PCDH11X: variants seen among roughly 807,000 people sequenced by gnomAD.
PCDH11X encodes the protein protocadherin-11 X-linked.
A neutral mutation model predicts 53.3 loss-of-function variants in PCDH11X; 18 were observed. The observed-to-expected ratio is 0.34, with a 90% CI of 0.23 to 0.50. The LOEUF (loss-of-function observed/expected upper bound fraction) is 0.50. Ranked by LOEUF, PCDH11X falls within the 20% of genes least tolerant of loss-of-function variation. The pLI is 0.98. For synonymous variants in PCDH11X, 279 were observed against 393.3 expected (o/e 0.71, Z 3.44); for missense variants, 570 against 1,032.4 (o/e 0.55, Z 6.14).
chrX:92,161,308 G>A (rs2065638399), intron 6 of PCDH11X, among the ~76,000 whole-genome samples: 1 of 111,623 alleles, frequency 9.0e-6, no homozygotes, highest in South Asian at 3.7e-4. Context: ...ACTTTTGGCT[G>A]ATAATTATTT....
chrX:92,560,766 A>G (rs1470543695), intron 10 of PCDH11X, among the ~76,000 whole-genome samples: 1 of 104,480 alleles, frequency 9.6e-6, no homozygotes, highest in Non-Finnish European at 2.0e-5. Flanking sequence ...CTTAGCCACA[A>G]TGGAAGAGAA....
At chrX:92,435,787 A>G (rs2072356135) in intron 9 of PCDH11X, among the ~76,000 whole-genome samples, 1 of 111,515 alleles carries the variant, frequency 9.0e-6, no homozygotes, top group Non-Finnish European at 1.9e-5. Context: ...ATCTTGAAGG[A>G]GCACTAAATA....
At chrX:92,573,917 G>A (rs1922504070) in intron 10 of PCDH11X, among the ~76,000 whole-genome samples, 1 of 110,796 alleles carries the variant, frequency 9.0e-6, no homozygotes, top group African/African-American at 3.3e-5. Flanking sequence ...TGCAAAATAA[G>A]GTAGTTTTTA....
At chrX:92,569,670 A>G (rs1424172813) in intron 10 of PCDH11X, 1 of 199,720 alleles carries the variant, frequency 5.0e-6, no homozygotes, top group Non-Finnish European at 9.4e-6. Context: ...GGTATATTCC[A>G]CTGTATGCCT....
At chrX:92,260,886 G>A (rs1386534941) in intron 7 of PCDH11X, among the ~76,000 whole-genome samples, 1 of 111,510 alleles carries the variant, frequency 9.0e-6, no homozygotes, top group Non-Finnish European at 1.9e-5. Flanking sequence ...CAAAAACTGA[G>A]CCAATAGACA....
At chrX:92,351,424 G>A (rs188887459) in intron 8 of PCDH11X, among the ~76,000 whole-genome samples, 1,163 of 111,213 alleles carry the variant, frequency 0.01, 24 homozygotes, top group African/African-American at 0.037. Context: ...AACCTATGGG[G>A]TACATATAGT....
rs768282345 is a variant in PCDH11X at position 92,115,096 on chromosome X, A to G, written c.3034-86279A>G. ...AGTGTTGGGATTACAGGCATGAGAC[A>G]CTGTGCCCAGTCCCTTTCCATTTTT... On this transcript the variant is annotated intron_variant, in intron 6 of 10. Coordinates refer to ENST00000682573, the MANE Select transcript of PCDH11X (RefSeq NM_032968.5). 9.1e-5 allele frequency among the ~76,000 whole-genome samples: 10 copies of G among 110,313 alleles called. No homozygotes were observed. The South Asian group carries it at 3.9e-3, about 43-fold the overall frequency.
chrX:91,804,869 GTTC>G (rs1195166620), intron 1 of PCDH11X, among the ~76,000 whole-genome samples: 2 of 107,080 alleles, frequency 1.9e-5, no homozygotes, highest in African/African-American at 3.4e-5. Flanking sequence ...CAAGAATAGT[GTTC>G]TTCTTTCATT....
At chrX:92,319,989 A>G (rs1207327533) in intron 8 of PCDH11X, among the ~76,000 whole-genome samples, 1 of 111,000 alleles carries the variant, frequency 9.0e-6, no homozygotes, top group Non-Finnish European at 1.9e-5. Flanking sequence ...TATAATTCTA[A>G]TCAATGTTCA....
At chrX:92,593,831 A>T (rs1247688834) in intron 10 of PCDH11X, among the ~76,000 whole-genome samples, 1 of 104,890 alleles carries the variant, frequency 9.5e-6, no homozygotes, top group Admixed American at 1.1e-4. Context: ...AGAAAATTGT[A>T]AAGAGTTATA....
At chrX:92,261,137 C>T (rs1372748995) in intron 7 of PCDH11X, among the ~76,000 whole-genome samples, 1 of 110,113 alleles carries the variant, frequency 9.1e-6, no homozygotes, top group Non-Finnish European at 1.9e-5. Flanking sequence ...GCCTGCTTGC[C>T]AATATATTTC....
intron 6 of PCDH11X, among the ~76,000 whole-genome samples, chrX:92,185,426 A>T (rs760418412): frequency 8.9e-4 from 99 of 111,458 alleles, no homozygotes; most frequent in African/African-American, 3.2e-3. Context: ...GACATAAGGG[A>T]AATGCTTCAG....
intron 7 of PCDH11X, among the ~76,000 whole-genome samples, chrX:92,227,705 A>G (rs1603212587): frequency 9.0e-6 from 1 of 111,195 alleles, no homozygotes; most frequent in Non-Finnish European, 1.9e-5. Flanking sequence ...GAGTAAAACC[A>G]TTAGAGTTTC....
At chrX:91,929,843 G>C (rs1298961141) in intron 6 of PCDH11X, among the ~76,000 whole-genome samples, 15 of 110,671 alleles carry the variant, frequency 1.4e-4, no homozygotes, top group Non-Finnish European at 2.5e-4. Context: ...AGAACTACTT[G>C]ACTTCTATCA....
intron 4 of PCDH11X, among the ~76,000 whole-genome samples, chrX:91,813,735 A>C (rs1320456656): frequency 9.4e-6 from 1 of 106,096 alleles, no homozygotes; most frequent in Non-Finnish European, 1.9e-5. Context: ...ACACCATAAA[A>C]ACGTGGAAGT....
At chrX:92,401,821 A>G (rs1434267264) in intron 9 of PCDH11X, among the ~76,000 whole-genome samples, 2 of 112,266 alleles carry the variant, frequency 1.8e-5, no homozygotes, top group East Asian at 5.6e-4. Context: ...AAAAATTACT[A>G]TGGATCAAAT....
rs1187582003 is a variant in PCDH11X at position 92,606,414 on chromosome X, G to T, written c.3368-11850G>T. On this transcript the variant is annotated intron_variant, in intron 10 of 10. Coordinates refer to ENST00000682573, the MANE Select transcript of PCDH11X (RefSeq NM_032968.5). ...GACAATTGATTTTCAGCCAATTAAA[G>T]TCAATAAATAATAAATAGTCTTTCC... Among the ~76,000 whole-genome samples the T allele has an allele frequency of 2.8e-5, 3 of 108,188 alleles. No homozygotes were observed. In the Admixed American group the frequency reaches 3.0e-4, roughly 11 times the overall value. The allele number at this position is 108,188 out of a possible 115,157, so 93.9% of individuals were successfully genotyped here.
intron 6 of PCDH11X, among the ~76,000 whole-genome samples, chrX:91,886,915 G>A (rs1199649304): frequency 2.0e-5 from 2 of 100,957 alleles, no homozygotes; most frequent in African/African-American, 7.4e-5. Context: ...AGCTTGCAGT[G>A]AGCCAAGATG....
chrX:92,514,043 A>C (rs1443735674), intron 10 of PCDH11X, among the ~76,000 whole-genome samples: 1 of 111,761 alleles, frequency 8.9e-6, no homozygotes, highest in Admixed American at 9.5e-5. Context: ...ATGTATCAGT[A>C]CTCCATTACT....
Sources: allele counts gnomAD v4.1 joint callset (sites outside exome capture counted in the v4.1 genomes callset), GRCh38; gene constraint gnomAD v4.1.1; transcripts MANE v1.5; gene names NCBI Gene and HGNC (gene_info 2026-07-23, HGNC 2026-07-21).